ANKS1B: variants seen among roughly 807,000 people sequenced by gnomAD.
ANKS1B encodes ankyrin repeat and sterile alpha motif domain containing 1B.
ANKS1B carries 36 observed loss-of-function variants against 148.3 expected under a neutral mutation model. That is an observed-to-expected ratio of 0.24 (90% confidence interval 0.19 to 0.32). The LOEUF is 0.32. Among genes scored for constraint, ANKS1B ranks in the 10% least tolerant of loss-of-function variants. The pLI, the probability that ANKS1B is intolerant of heterozygous loss-of-function variation, is 1.00. For synonymous variants in ANKS1B, 542 were observed against 560.8 expected (o/e 0.97, Z 0.47); for missense variants, 1,157 against 1,542.6 (o/e 0.75, Z 4.19).
intron 15 of ANKS1B, among the ~76,000 whole-genome samples, chr12:99,137,778 T>C (rs547150690): frequency 6.6e-6 from 1 of 152,260 alleles, no homozygotes; most frequent in Non-Finnish European, 1.5e-5. Context: ...ACTAATTATA[T>C]GCTGTTCCGC....
At chr12:98,841,447 C>T (rs1018298316) in intron 17 of ANKS1B, among the ~76,000 whole-genome samples, 1 of 152,148 alleles carries the variant, frequency 6.6e-6, no homozygotes, top group South Asian at 2.1e-4. Context: ...ATATAACACC[C>T]TCCATCAGCA....
rs533936925 is a variant in ANKS1B at position 99,838,758 on chromosome 12, A to T, written c.135-13369T>A. Among the ~76,000 whole-genome samples, 8 of 152,028 alleles carry T rather than the reference A, an allele frequency of 5.3e-5. No homozygotes were observed. In the South Asian group the frequency reaches 1.5e-3, roughly 28 times the overall value. ...TCTTCCTATTTCTTTTTTTGATGAA[A>T]TTTTTTAATTTCTCTCTATTATGGG... On this transcript the variant is annotated intron_variant, in intron 1 of 26. Coordinates refer to ENST00000683438, the MANE Select transcript of ANKS1B (RefSeq NM_001352186.2).
At chr12:99,199,128 G>A (rs1006626333) in intron 14 of ANKS1B, among the ~76,000 whole-genome samples, 1 of 152,026 alleles carries the variant, frequency 6.6e-6, no homozygotes, top group Non-Finnish European at 1.5e-5. Flanking sequence ...CTGCATCCCT[G>A]GCCAATTTTT....
chr12:99,173,353 C>A (rs1419346389), intron 14 of ANKS1B, among the ~76,000 whole-genome samples: 1 of 152,020 alleles, frequency 6.6e-6, no homozygotes, highest in Non-Finnish European at 1.5e-5. Flanking sequence ...AAATCCAGGG[C>A]TAAAAACTGG....
intron 12 of ANKS1B, among the ~76,000 whole-genome samples, chr12:99,279,450 G>A (rs1325401613): frequency 6.6e-6 from 1 of 152,062 alleles, no homozygotes; most frequent in Non-Finnish European, 1.5e-5. Flanking sequence ...CCTTGCAGCA[G>A]TCACTCCTCA....
chr12:99,236,626 C>G (rs915837170), intron 14 of ANKS1B, among the ~76,000 whole-genome samples: 4 of 152,210 alleles, frequency 2.6e-5, no homozygotes, highest in Non-Finnish European at 5.9e-5. Flanking sequence ...GGTGGGAACA[C>G]AGCCAAACCA....
At chr12:99,104,506 T>C (rs2058702974) in intron 15 of ANKS1B, 1 of 152,208 alleles carries the variant, frequency 6.6e-6, no homozygotes, top group African/African-American at 2.4e-5. Context: ...CTATTTGTTC[T>C]TCTCTTATTA....
intron 1 of ANKS1B, among the ~76,000 whole-genome samples, chr12:99,840,333 G>A (rs1310560983): frequency 6.6e-6 from 1 of 152,098 alleles, no homozygotes; most frequent in Non-Finnish European, 1.5e-5. Context: ...GTGGGTCAGA[G>A]ATGTGTGGCT....
intron 8 of ANKS1B, among the ~76,000 whole-genome samples, chr12:99,716,110 C>G (rs542289618): frequency 3.1e-4 from 47 of 152,148 alleles, no homozygotes; most frequent in Admixed American, 5.2e-4. Flanking sequence ...CTGTCTCTAC[C>G]CCTTCTCTGC....
At chr12:99,521,333 T>C (rs549987482) in intron 9 of ANKS1B, among the ~76,000 whole-genome samples, 1 of 152,336 alleles carries the variant, frequency 6.6e-6, no homozygotes, top group South Asian at 2.1e-4. Flanking sequence ...AACACAGCTA[T>C]TTTGAATTAT....
At chr12:99,536,655 T>C (rs1299463794) in intron 9 of ANKS1B, among the ~76,000 whole-genome samples, 1 of 152,196 alleles carries the variant, frequency 6.6e-6, no homozygotes, top group African/African-American at 2.4e-5. Flanking sequence ...TAGGTGTATG[T>C]ATTTATAGGG....
At chr12:98,880,743 G>A (rs1051120844) in intron 17 of ANKS1B, among the ~76,000 whole-genome samples, 2 of 151,988 alleles carry the variant, frequency 1.3e-5, no homozygotes, top group Admixed American at 6.6e-5. Context: ...ACTCCAGCCT[G>A]GGCGACACAG....
intron 1 of ANKS1B, among the ~76,000 whole-genome samples, chr12:99,968,373 A>G (rs778206224): frequency 5.3e-5 from 8 of 152,036 alleles, no homozygotes; most frequent in Non-Finnish European, 8.8e-5. Flanking sequence ...TGGCTAACAC[A>G]GTGAAATCCC....
At chr12:98,817,584 T>G (rs985832826) in intron 19 of ANKS1B, among the ~76,000 whole-genome samples, 1 of 152,210 alleles carries the variant, frequency 6.6e-6, no homozygotes, top group South Asian at 2.1e-4. Context: ...GAGTGAGTTT[T>G]GAGATACACA....
At chr12:99,717,636 G>C (rs1306751832) in intron 8 of ANKS1B, among the ~76,000 whole-genome samples, 1 of 152,186 alleles carries the variant, frequency 6.6e-6, no homozygotes, top group Non-Finnish European at 1.5e-5. Context: ...CTCCTTCCCA[G>C]ATCTTCTCGG....
chr12:99,949,240 G>A (rs1365509632), intron 1 of ANKS1B, among the ~76,000 whole-genome samples: 2 of 152,174 alleles, frequency 1.3e-5, no homozygotes, highest in East Asian at 3.8e-4. Flanking sequence ...ATGGGAGTTT[G>A]GAGGCTGGTG....
At chr12:99,179,056 A>T (rs2078770756) in intron 14 of ANKS1B, among the ~76,000 whole-genome samples, 1 of 152,220 alleles carries the variant, frequency 6.6e-6, no homozygotes, top group African/African-American at 2.4e-5. Flanking sequence ...ATTTCTATAA[A>T]CTATAGTAAT....
At chr12:99,540,746 G>T (rs2097117304) in intron 9 of ANKS1B, among the ~76,000 whole-genome samples, 1 of 151,222 alleles carries the variant, frequency 6.6e-6, no homozygotes, top group African/African-American at 2.4e-5. Context: ...AAACTAGAAA[G>T]AAATATAAAT....
chr12:98,826,996 T>C (rs889828807), intron 19 of ANKS1B, among the ~76,000 whole-genome samples: 1 of 152,052 alleles, frequency 6.6e-6, no homozygotes, highest in African/African-American at 2.4e-5. Flanking sequence ...AAAACAAACA[T>C]CAATTGAGTA....
Sources: allele counts gnomAD v4.1 joint callset (sites outside exome capture counted in the v4.1 genomes callset), GRCh38; gene constraint gnomAD v4.1.1; transcripts MANE v1.5; gene names NCBI Gene and HGNC (gene_info 2026-07-23, HGNC 2026-07-21).